The following CADM2 variants were observed in gnomAD, a reference collection of about 807,000 sequenced individuals.
CADM2 encodes cell adhesion molecule 2, also known as immunoglobulin superfamily member 4D.
A neutral mutation model predicts 49.8 loss-of-function variants in CADM2; 12 were observed. The ratio of observed to expected loss-of-function variants is 0.24; its 90% CI spans 0.15 to 0.39. CADM2 has a LOEUF of 0.39. CADM2 is among the 10% of genes least tolerant of loss of function. The pLI is 1.00. For synonymous variants in CADM2, 214 were observed against 175.4 expected (o/e 1.22, Z -1.74); for missense variants, 378 against 492.3 (o/e 0.77, Z 2.20).
At chr3:85,283,171 T>A (rs2043546726) in intron 1 of CADM2, among the ~76,000 whole-genome samples, 1 of 152,056 alleles carries the variant, frequency 6.6e-6, no homozygotes, top group African/African-American at 2.4e-5. Context: ...TATTATAATT[T>A]ATATTTTTAT....
chr3:85,210,918 T>C (rs1382780022), intron 1 of CADM2, among the ~76,000 whole-genome samples: 1 of 152,168 alleles, frequency 6.6e-6, no homozygotes, highest in Non-Finnish European at 1.5e-5. Flanking sequence ...GGGTCTGGGC[T>C]TTTTTGCTGA....
rs182823614 is a variant in CADM2, at chr3:85,358,193, T to A, written c.62-368329T>A. 9.2e-5 allele frequency among the ~76,000 whole-genome samples: 14 copies of A among 152,172 alleles called. 1 individual carries two copies. The highest frequency in any genetic ancestry group is 3.4e-4 in the African/African-American group (14 of 41,544). ...TTCTACCACCTAGATGCCAGTAGCATCTTGTCCCCCAGTTGTCACAATCAA... is the reference window on the plus strand; with the variant it reads ...TTCTACCACCTAGATGCCAGTAGCAACTTGTCCCCCAGTTGTCACAATCAA... On this transcript the variant is annotated intron_variant, in intron 1 of 9. Coordinates refer to ENST00000383699, the MANE Select transcript of CADM2 (RefSeq NM_001167675.2).
intron 1 of CADM2, among the ~76,000 whole-genome samples, chr3:85,583,880 T>C (rs2062862964): frequency 6.6e-6 from 1 of 151,996 alleles, no homozygotes; most frequent in South Asian, 2.1e-4. Flanking sequence ...AATATTGCAA[T>C]TTTGAAATAT....
At chr3:85,022,675 G>A (rs2034556773) in intron 1 of CADM2, among the ~76,000 whole-genome samples, 1 of 152,020 alleles carries the variant, frequency 6.6e-6, no homozygotes, top group Non-Finnish European at 1.5e-5. Flanking sequence ...TTATTCTAGT[G>A]TGCATTTTTT....
intron 8 of CADM2, among the ~76,000 whole-genome samples, chr3:86,026,349 TG>T (rs199536698): frequency 1.3e-4 from 19 of 151,970 alleles, no homozygotes; most frequent in African/African-American, 4.6e-4. Flanking sequence ...ATTTTTTTTT[TG>T]GTTTTTTTTT....
At chr3:85,806,972 C>T (rs1324160938) in intron 3 of CADM2, among the ~76,000 whole-genome samples, 1 of 152,142 alleles carries the variant, frequency 6.6e-6, no homozygotes, top group Non-Finnish European at 1.5e-5. Flanking sequence ...AAAAATAAGA[C>T]CTAACAATCA....
At chr3:85,065,696 T>C (rs528222915) in intron 1 of CADM2, among the ~76,000 whole-genome samples, 1 of 152,332 alleles carries the variant, frequency 6.6e-6, no homozygotes, top group South Asian at 2.1e-4. Flanking sequence ...CTCATCCTTC[T>C]ATTCATCAGC....
chr3:85,460,958 G>A (rs1483296338), intron 1 of CADM2, among the ~76,000 whole-genome samples: 2 of 152,100 alleles, frequency 1.3e-5, no homozygotes, highest in Non-Finnish European at 2.9e-5. Flanking sequence ...TAAAGTCTGG[G>A]AAGGAACGAA....
chr3:85,943,553 T>G (rs1722248066), intron 7 of CADM2, among the ~76,000 whole-genome samples: 1 of 151,760 alleles, frequency 6.6e-6, no homozygotes, highest in South Asian at 2.1e-4. Flanking sequence ...TTTCTACATA[T>G]GGCTAGCCAG....
At chr3:85,546,834 G>T (rs995941502) in intron 1 of CADM2, among the ~76,000 whole-genome samples, 2 of 105,438 alleles carry the variant, frequency 1.9e-5, no homozygotes, top group Admixed American at 2.1e-4. Context: ...GAAGTAGTCG[G>T]CAGGCAAAAA....
At chr3:85,380,920 A>G (rs1174956703) in intron 1 of CADM2, among the ~76,000 whole-genome samples, 1 of 152,090 alleles carries the variant, frequency 6.6e-6, no homozygotes, top group Non-Finnish European at 1.5e-5. Flanking sequence ...AACACAGTAC[A>G]TTTTTATTTA....
intron 1 of CADM2, among the ~76,000 whole-genome samples, chr3:85,446,124 T>C (rs2037439321): frequency 6.6e-6 from 1 of 152,186 alleles, no homozygotes; most frequent in African/African-American, 2.4e-5. Context: ...AGGCTGTAAA[T>C]TTATTAAAGA....
intron 1 of CADM2, among the ~76,000 whole-genome samples, chr3:85,526,754 A>T (rs2061167121): frequency 6.6e-6 from 1 of 152,168 alleles, no homozygotes; most frequent in South Asian, 2.1e-4. Context: ...AACTTGTATG[A>T]ACCTGAATGC....
intron 1 of CADM2, among the ~76,000 whole-genome samples, chr3:85,188,544 C>G (rs2041121107): frequency 6.6e-6 from 1 of 151,864 alleles, no homozygotes; most frequent in Non-Finnish European, 1.5e-5. Context: ...CATGATTCAA[C>G]ATTTCATATT....
intron 1 of CADM2, among the ~76,000 whole-genome samples, chr3:85,336,994 A>T (rs1010843940): frequency 7.4e-6 from 1 of 134,826 alleles, no homozygotes; most frequent in African/African-American, 2.7e-5. Context: ...ATATATATTT[A>T]ATATATATTA....
intron 7 of CADM2, among the ~76,000 whole-genome samples, chr3:85,936,495 G>A (rs758556882): frequency 1.3e-5 from 2 of 151,694 alleles, no homozygotes; most frequent in Non-Finnish European, 3.0e-5. Flanking sequence ...TTTAATTATG[G>A]ATTATTTAAA....
intron 1 of CADM2, among the ~76,000 whole-genome samples, chr3:85,681,756 G>T (rs1353872666): frequency 6.6e-6 from 1 of 151,964 alleles, no homozygotes; most frequent in Admixed American, 6.6e-5. Flanking sequence ...GTAGCACAGA[G>T]AAAAAAATTA....
At chr3:85,100,938 T>C (rs1452770353) in intron 1 of CADM2, among the ~76,000 whole-genome samples, 2 of 151,950 alleles carry the variant, frequency 1.3e-5, no homozygotes, top group East Asian at 3.9e-4. Flanking sequence ...TTAGGAAAAA[T>C]TTCAAAGAAT....
intron 8 of CADM2, among the ~76,000 whole-genome samples, chr3:85,968,333 T>G (rs778021000): frequency 6.6e-5 from 10 of 151,638 alleles, no homozygotes; most frequent in Non-Finnish European, 1.2e-4. Flanking sequence ...GAGCACTATT[T>G]TCATTACAAA....
Sources: allele counts gnomAD v4.1 joint callset (sites outside exome capture counted in the v4.1 genomes callset), GRCh38; gene constraint gnomAD v4.1.1; transcripts MANE v1.5; gene names NCBI Gene and HGNC (gene_info 2026-07-23, HGNC 2026-07-21).